The following XIRP2 variants were observed in gnomAD, a reference collection of about 807,000 sequenced individuals.
XIRP2 encodes xin actin-binding repeat-containing protein 2.
Under a neutral mutation model 277.0 loss-of-function variants are expected in XIRP2, and 236 were observed. The observed-to-expected ratio is 0.85, with a 90% CI of 0.77 to 0.95. The LOEUF (loss-of-function observed/expected upper bound fraction) is 0.95. Ranked by LOEUF, XIRP2 falls within the 40% of genes least tolerant of loss-of-function variation. The probability of loss-of-function intolerance (pLI) is 0.00; values close to 1 mark genes in which losing one functional copy is unlikely to be tolerated. For synonymous variants in XIRP2, 1,490 were observed against 1,416.5 expected (o/e 1.05, Z -1.17); for missense variants, 4,640 against 4,157.5 (o/e 1.12, Z -3.19).
At chr2:167,240,369 C>T (rs192391567) in intron 6 of XIRP2, among the ~76,000 whole-genome samples, 16 of 152,130 alleles carry the variant, frequency 1.1e-4, no homozygotes, top group Non-Finnish European at 2.2e-4. Flanking sequence ...GAGCCGAGTT[C>T]GCGCCATTGC....
At chr2:166,893,750 C>T (rs541849027) in intron 1 of XIRP2, among the ~76,000 whole-genome samples, 1 of 152,238 alleles carries the variant, frequency 6.6e-6, no homozygotes, top group South Asian at 2.1e-4. Context: ...TAAAACTCTT[C>T]ATTCACTATC....
At chr2:167,147,932 T>C (rs1328650471) in intron 3 of XIRP2, among the ~76,000 whole-genome samples, 1 of 152,172 alleles carries the variant, frequency 6.6e-6, no homozygotes, top group Admixed American at 6.5e-5. Flanking sequence ...TCTCAAGTAT[T>C]CTTCAAGAGC....
At chr2:167,041,664 A>G (rs1268058314) in intron 2 of XIRP2, among the ~76,000 whole-genome samples, 1 of 152,220 alleles carries the variant, frequency 6.6e-6, no homozygotes, top group African/African-American at 2.4e-5. Flanking sequence ...AATTTCCAAG[A>G]AATGAGGAAT....
intron 2 of XIRP2, among the ~76,000 whole-genome samples, chr2:166,980,508 C>T (rs371768411): frequency 6.6e-6 from 1 of 152,138 alleles, no homozygotes; most frequent in East Asian, 1.9e-4. Flanking sequence ...CCTGCGCCTC[C>T]TGAGTTCAAG....
At chr2:167,061,564 A>G (rs1689174871) in intron 2 of XIRP2, among the ~76,000 whole-genome samples, 1 of 152,136 alleles carries the variant, frequency 6.6e-6, no homozygotes, top group Admixed American at 6.5e-5. Context: ...AACCCCCAGT[A>G]TCCGTGGATA....
At position 167,251,149 on chromosome 2, in the gene XIRP2, A is replaced by G; in HGVS notation, c.9757A>G (p.Arg3253Gly). Reference protein sequence around the residue: ...NINHAASGSFRESVDAQEEIR... With the variant: ...NINHAASGSFGESVDAQEEIR... ...AAATCATGCTGCTAGTGGTTCCTTC[A>G]GAGAATCTGTGGACGCTCAAGAGGA... The change falls in exon 9 of 11, where the codon AGA (arginine) becomes GGA (glycine). Residue 3253 changes from arginine (R) to glycine (G), a missense_variant. Coordinates refer to ENST00000409195, the MANE Select transcript of XIRP2 (RefSeq NM_152381.6). 1 of 1,613,498 alleles carries G rather than the reference A, an allele frequency of 6.2e-7. No homozygotes were observed. Among genetic ancestry groups the G allele is most frequent in the Non-Finnish European group, 8.5e-7 (1 of 1,179,734 alleles).
intron 2 of XIRP2, among the ~76,000 whole-genome samples, chr2:167,110,606 T>C (rs555837869): frequency 2.1e-4 from 32 of 152,334 alleles, no homozygotes; most frequent in African/African-American, 7.5e-4. Flanking sequence ...TCTGGTAATG[T>C]GATGCCTCCA....
intron 2 of XIRP2, among the ~76,000 whole-genome samples, chr2:166,978,313 G>A (rs1018049101): frequency 6.6e-6 from 1 of 152,100 alleles, no homozygotes; most frequent in Non-Finnish European, 1.5e-5. Flanking sequence ...GCATTATAAA[G>A]CCTCAGACAT....
intron 2 of XIRP2, among the ~76,000 whole-genome samples, chr2:167,027,120 C>G (rs759143675): frequency 6.6e-6 from 1 of 152,124 alleles, no homozygotes; most frequent in Non-Finnish European, 1.5e-5. Flanking sequence ...GTTCCATTCT[C>G]TCCGTCACTC....
At chr2:167,151,004 C>T (rs962912533) in intron 3 of XIRP2, among the ~76,000 whole-genome samples, 5 of 151,944 alleles carry the variant, frequency 3.3e-5, no homozygotes, top group African/African-American at 1.2e-4. Context: ...AGAGTACTTA[C>T]GGAAAGGTTC....
chr2:167,016,147 C>T (rs925076384), intron 2 of XIRP2, among the ~76,000 whole-genome samples: 9 of 151,812 alleles, frequency 5.9e-5, no homozygotes. Flanking sequence ...CCTCCTCAAC[C>T]TGCTCTTCCT....
intron 3 of XIRP2, among the ~76,000 whole-genome samples, chr2:167,145,419 A>T (rs1433541832): frequency 6.6e-6 from 1 of 152,194 alleles, no homozygotes; most frequent in African/African-American, 2.4e-5. Flanking sequence ...TTGGGAAAAA[A>T]TTTACTTTTC....
chr2:166,903,316 A>G lies in XIRP2; in HGVS notation c.-18-149A>G, dbSNP rs941793797. On this transcript the variant is annotated intron_variant, in intron 1 of 10. Transcript: ENST00000409195. ...CATAACGTTGTGGGGTGAAGTGAAG[A>G]GCCAGAAATTGTGTGGAATTGTATA... 6 of 704,836 alleles carry G rather than the reference A, an allele frequency of 8.5e-6. No individual in the cohort carries two copies. The African/African-American group carries it at 1.1e-4, about 13-fold the overall frequency. 43.7% of individuals were successfully genotyped at this position (704,836 alleles called of 1,614,324 possible).
intron 5 of XIRP2, among the ~76,000 whole-genome samples, chr2:167,226,854 C>T (rs1276839430): frequency 6.6e-6 from 1 of 152,082 alleles, no homozygotes; most frequent in Non-Finnish European, 1.5e-5. Context: ...CATGACTCTA[C>T]AAAGATTTGG....
chr2:167,092,516 T>C (rs887024994), intron 2 of XIRP2, among the ~76,000 whole-genome samples: 1 of 152,140 alleles, frequency 6.6e-6, no homozygotes, highest in Non-Finnish European at 1.5e-5. Context: ...TTTTTCTGGG[T>C]GGCACTATAG....
Position 167,218,109 on chromosome 2 carries a change from G to C in XIRP2, c.724-57G>C, listed in dbSNP as rs1055663373. On this transcript the variant is annotated intron_variant, in intron 4 of 10. Transcript: ENST00000409195. ...GTCAACTATTTTTAAAATAGCTTCA[G>C]AATCCCATCCTGCACAGCTGTAAAG... 43 of 1,359,700 alleles carry C rather than the reference G, an allele frequency of 3.2e-5. No individual in the cohort carries two copies. In the African/African-American group the frequency reaches 6.2e-4, roughly 20 times the overall value. 84.2% of individuals were successfully genotyped at this position (1,359,700 alleles called of 1,614,324 possible).
intron 2 of XIRP2, among the ~76,000 whole-genome samples, chr2:167,109,368 C>G (rs1690687680): frequency 6.6e-6 from 1 of 152,172 alleles, no homozygotes; most frequent in Admixed American, 6.5e-5. Context: ...GCAACCTCTG[C>G]CTCCAGGGTT....
intron 3 of XIRP2, among the ~76,000 whole-genome samples, chr2:167,204,633 A>G (rs559920709): frequency 6.6e-6 from 1 of 152,240 alleles, no homozygotes; most frequent in Non-Finnish European, 1.5e-5. Context: ...ATTCTGACAC[A>G]TAGAAAGCAC....
At chr2:167,241,950 G>A (rs1176553482) in intron 8 of XIRP2, 40 bp downstream of exon 8, 2 of 1,561,704 alleles carry the variant, frequency 1.3e-6, no homozygotes, top group South Asian at 1.2e-5. Flanking sequence ...CTAAGTGTAA[G>A]ACCAAGCTTA....
Sources: gnomAD v4.1 joint callset for allele counts (sites outside exome capture counted in the v4.1 genomes callset) on GRCh38, gnomAD v4.1.1 for gene constraint, MANE v1.5 for transcripts, NCBI Gene and HGNC (gene_info 2026-07-23, HGNC 2026-07-21) for gene names.